ASIC2: variants seen among roughly 807,000 people sequenced by gnomAD.
ASIC2 encodes the protein acid sensing ion channel subunit 2.
In ASIC2, 25 loss-of-function variants were observed where a neutral mutation model predicts 57.3. That is an observed-to-expected ratio of 0.44 (90% CI 0.32 to 0.61). ASIC2 has a LOEUF of 0.61. Ranked by LOEUF, ASIC2 falls within the 20% of genes least tolerant of loss-of-function variation. ASIC2 has a pLI of 0.06. For synonymous variants in ASIC2, 319 were observed against 307.5 expected (o/e 1.04, Z -0.39); for missense variants, 641 against 738.1 (o/e 0.87, Z 1.52).
At chr17:33,180,025 T>C (rs565111088) in intron 1 of ASIC2, among the ~76,000 whole-genome samples, 12 of 152,324 alleles carry the variant, frequency 7.9e-5, no homozygotes, top group African/African-American at 2.4e-4. Context: ...TAGGGCTCTC[T>C]ACATAAACAG....
chr17:34,137,970 T>G (rs1470801548), intron 1 of ASIC2, among the ~76,000 whole-genome samples: 1 of 152,084 alleles, frequency 6.6e-6, no homozygotes, highest in African/African-American at 2.4e-5. Context: ...CCCAAACATT[T>G]AGACCCCTTT....
intron 1 of ASIC2, among the ~76,000 whole-genome samples, chr17:33,714,161 T>C (rs1429697171): frequency 6.6e-6 from 1 of 152,170 alleles, no homozygotes; most frequent in African/African-American, 2.4e-5. Context: ...TATTTGGTAA[T>C]ATGTAAAACA....
At chr17:33,061,843 G>T (rs2092022127) in intron 3 of ASIC2, among the ~76,000 whole-genome samples, 2 of 152,176 alleles carry the variant, frequency 1.3e-5, no homozygotes, top group Admixed American at 1.3e-4. Context: ...TTCAGAGCCT[G>T]TTATTGGTCT....
intron 3 of ASIC2, among the ~76,000 whole-genome samples, chr17:33,048,979 A>G (rs993854857): frequency 1.3e-5 from 2 of 152,368 alleles, no homozygotes; most frequent in Middle Eastern, 3.4e-3. Context: ...ACCAAGTGAC[A>G]TCAGTGTCCA....
At chr17:33,955,696 C>T (rs1194209588) in intron 1 of ASIC2, among the ~76,000 whole-genome samples, 2 of 152,148 alleles carry the variant, frequency 1.3e-5, no homozygotes, top group Admixed American at 1.3e-4. Context: ...TCAGAGACAC[C>T]AGCACTAGCC....
At chr17:33,603,080 A>G (rs946543924) in intron 1 of ASIC2, among the ~76,000 whole-genome samples, 1 of 152,200 alleles carries the variant, frequency 6.6e-6, no homozygotes, top group Admixed American at 6.5e-5. Flanking sequence ...CAGAAGCCCC[A>G]TCTTCCTCTG....
At chr17:33,086,643 A>T (rs2092134866) in intron 3 of ASIC2, among the ~76,000 whole-genome samples, 1 of 152,132 alleles carries the variant, frequency 6.6e-6, no homozygotes, top group South Asian at 2.1e-4. Context: ...TTGAACAAAC[A>T]CTATCATAGT....
chr17:33,578,816 G>A (rs1019474502), intron 1 of ASIC2, among the ~76,000 whole-genome samples: 6 of 152,180 alleles, frequency 3.9e-5, no homozygotes, highest in African/African-American at 1.4e-4. Context: ...AGTTCATATA[G>A]TTCAGGGACT....
At position 34,020,772 on chromosome 17, in the gene ASIC2, T is replaced by C. The variant is rs182668735; in HGVS notation, c.555+135206A>G. Among the ~76,000 whole-genome samples the C allele has an allele frequency of 1.6e-4, 24 of 152,280 alleles. 1 individual carries two copies. Among genetic ancestry groups the C allele is most frequent in the African/African-American group, 5.5e-4 (23 of 41,548 alleles). On this transcript the variant is annotated intron_variant, in intron 1 of 9. Coordinates refer to the ASIC2 transcript ENST00000359872. ...CTTTCCCAGGACCTCCAGGAAGGAA[T>C]GCAGCCCCGCCCGCACCGTGATTTC...
chr17:33,793,036 T>C (rs551254786), intron 1 of ASIC2: 1 of 152,210 alleles, frequency 6.6e-6, no homozygotes, highest in African/African-American at 2.4e-5. Flanking sequence ...TTTGAAGTAA[T>C]TAACAAAATG....
intron 1 of ASIC2, chr17:34,072,151 C>T (rs1291962125): frequency 6.6e-6 from 1 of 152,440 alleles, no homozygotes; most frequent in Admixed American, 6.5e-5. Context: ...AGTCCTTTCC[C>T]AGTCAGTAGT....
chr17:34,117,246 G>GA (rs750313151), intron 1 of ASIC2, among the ~76,000 whole-genome samples: 14 of 152,178 alleles, frequency 9.2e-5, no homozygotes, highest in Admixed American at 8.5e-4. Context: ...ATCTCTGGTG[G>GA]AAAAAAGATA....
Position 33,025,953 on chromosome 17 carries a change from G to A in ASIC2, c.1168C>T (p.His390Tyr). The stretch of plus-strand genomic sequence containing the variant: ...AGGGCAGGCTCTGCACACTCCTTGT[G>A]CTGCTCAGGGGTACAAAAAGGGGCA... ...GDAPFCTPEQHKECAEPALGL... is the reference protein window; with the variant it reads ...GDAPFCTPEQYKECAEPALGL... Residue 390 changes from histidine (H) to tyrosine (Y), a missense_variant, in exon 5 of 10, where the codon CAC becomes TAC. Transcript: ENST00000225823. 1 of 1,613,740 alleles carries A rather than the reference G, an allele frequency of 6.2e-7. No homozygotes were observed. Among genetic ancestry groups the A allele is most frequent in the Non-Finnish European group, 8.5e-7 (1 of 1,179,880 alleles).
intron 1 of ASIC2, among the ~76,000 whole-genome samples, chr17:33,911,992 T>G (rs1915476327): frequency 6.6e-6 from 1 of 150,736 alleles, no homozygotes; most frequent in African/African-American, 2.4e-5. Context: ...AATACAAAAT[T>G]AGTGGGGCGT....
chr17:33,267,087 G>A (rs1909492783), intron 1 of ASIC2, among the ~76,000 whole-genome samples: 1 of 152,158 alleles, frequency 6.6e-6, no homozygotes. Context: ...ATGGGTAGAA[G>A]TTTGGTTAAG....
intron 1 of ASIC2, among the ~76,000 whole-genome samples, chr17:33,416,575 T>C (rs908647594): frequency 6.6e-6 from 1 of 152,206 alleles, no homozygotes; most frequent in Non-Finnish European, 1.5e-5. Context: ...CAGGTGCTTG[T>C]CTGTGCACCC....
intron 2 of ASIC2, among the ~76,000 whole-genome samples, chr17:33,098,227 G>A (rs1411001080): frequency 6.6e-6 from 1 of 152,068 alleles, no homozygotes; most frequent in African/African-American, 2.4e-5. Flanking sequence ...AAAAAAAATA[G>A]ATGTGGCTGT....
At chr17:33,732,627 TTTTTTTA>T (rs1341621219) in intron 1 of ASIC2, among the ~76,000 whole-genome samples, 18 of 151,854 alleles carry the variant, frequency 1.2e-4, no homozygotes, top group East Asian at 1.2e-3. Flanking sequence ...CCTCCTGAAT[TTTTTTTA>T]TTTTTTATTT....
chr17:33,941,100 C>A (rs1224585072), intron 1 of ASIC2, among the ~76,000 whole-genome samples: 1 of 152,204 alleles, frequency 6.6e-6, no homozygotes, highest in African/African-American at 2.4e-5. Flanking sequence ...GGGCCAAGAG[C>A]TGATGCAGCA....
Sources: allele counts gnomAD v4.1 joint callset (sites outside exome capture counted in the v4.1 genomes callset), GRCh38; gene constraint gnomAD v4.1.1; transcripts MANE v1.5; gene names NCBI Gene and HGNC (gene_info 2026-07-23, HGNC 2026-07-21).